ATXN1: variants seen among roughly 807,000 people sequenced by gnomAD.
ATXN1 encodes the protein ataxin 1, also known as ataxin-1.
Under a neutral mutation model 56.4 loss-of-function variants are expected in ATXN1, and 8 were observed. That is an observed-to-expected ratio of 0.14 (90% CI 0.08 to 0.26). The LOEUF is 0.26. ATXN1 is among the 10% of genes least tolerant of loss of function. The pLI is 1.00. For missense variants in ATXN1, 987 were observed against 1,106.5 expected (o/e 0.89, Z 1.53); for synonymous variants, 514 against 494.6 (o/e 1.04, Z -0.52).
chr6:16,596,875 T>C (rs187405257), intron 3 of ATXN1, among the ~76,000 whole-genome samples: 46 of 152,286 alleles, frequency 3.0e-4, no homozygotes, highest in African/African-American at 9.6e-4. Flanking sequence ...CTATAAGATC[T>C]TGCACAGGAG....
chr6:16,675,069 CTT>C (rs950181662), intron 2 of ATXN1, among the ~76,000 whole-genome samples: 10 of 152,198 alleles, frequency 6.6e-5, no homozygotes, highest in African/African-American at 2.4e-4. Flanking sequence ...GCACACAACT[CTT>C]TTGGTAGAAA....
chr6:16,516,739 T>C (rs572590956), intron 5 of ATXN1, among the ~76,000 whole-genome samples: 1 of 152,378 alleles, frequency 6.6e-6, no homozygotes, highest in East Asian at 1.9e-4. Context: ...TAATGAATCA[T>C]GTCTAACAAT....
chr6:16,747,496 T>C (rs927187929), intron 2 of ATXN1, among the ~76,000 whole-genome samples: 3 of 152,170 alleles, frequency 2.0e-5, no homozygotes, highest in African/African-American at 7.2e-5. Flanking sequence ...CGGTTAGTCA[T>C]ATGTCAGAGT....
chr6:16,310,602 A>G (rs902521346), intron 7 of ATXN1, among the ~76,000 whole-genome samples: 2 of 151,882 alleles, frequency 1.3e-5, no homozygotes, highest in African/African-American at 4.8e-5. Flanking sequence ...CCTGCCTCAG[A>G]CTCCCAAGTA....
At chr6:16,598,626 CTCTT>C (rs1762860030) in intron 3 of ATXN1, among the ~76,000 whole-genome samples, 1 of 152,212 alleles carries the variant, frequency 6.6e-6, no homozygotes, top group South Asian at 2.1e-4. Context: ...GTTTTCCCCT[CTCTT>C]TCTACACAGC....
chr6:16,473,836 CCT>C (rs1214729812), intron 6 of ATXN1, among the ~76,000 whole-genome samples: 4 of 152,180 alleles, frequency 2.6e-5, no homozygotes, highest in Non-Finnish European at 4.4e-5. Flanking sequence ...CTTTGAGCCA[CCT>C]CTCAGTCAAG....
Position 16,305,287 on chromosome 6 carries a change from A to G in ATXN1, c.*1042T>C, listed in dbSNP as rs1760214586. On this transcript the variant is annotated 3_prime_UTR_variant, in exon 8 of 8. Transcript: ENST00000436367. ...ACACTGGAATCTGAAAAAAAAAAAA[A>G]GTGGCACCCGAGTTGTCCATAGTCA... The G allele has an allele frequency of 1.3e-5, 2 of 152,466 alleles. No individual in the cohort carries two copies. The highest frequency in any genetic ancestry group is 2.1e-4 in the South Asian group (1 of 4,824). The allele number at this position is 152,466 out of a possible 1,614,324, so 9.4% of individuals were successfully genotyped here. A position where few individuals can be genotyped will look rare whatever the true frequency, so the allele number is the denominator to read the frequency against.
At chr6:16,691,489 G>A (rs958696521) in intron 2 of ATXN1, among the ~76,000 whole-genome samples, 1 of 152,182 alleles carries the variant, frequency 6.6e-6, no homozygotes. Flanking sequence ...TTTATAAAAA[G>A]CTGAGGTATG....
chr6:16,640,670 G>A (rs926346862), intron 3 of ATXN1, among the ~76,000 whole-genome samples: 6 of 150,684 alleles, frequency 4.0e-5, no homozygotes, highest in Non-Finnish European at 8.8e-5. Context: ...GTGACAGAGC[G>A]AGACTCTGTC....
chr6:16,558,300 CAAAAAA>C (rs34684208), intron 4 of ATXN1, among the ~76,000 whole-genome samples: 3 of 95,406 alleles, frequency 3.1e-5, no homozygotes, highest in Admixed American at 1.2e-4. Flanking sequence ...GATCCTGTGT[CAAAAAA>C]AAAAAAAAAA....
chr6:16,373,726 G>A lies in ATXN1; in HGVS notation c.-160-45256C>T, dbSNP rs190671319. 1.7e-4 allele frequency among the ~76,000 whole-genome samples: 26 copies of A among 152,252 alleles called. 1 individual carries two copies. Among genetic ancestry groups the A allele is most frequent in the Non-Finnish European group, 2.1e-4 (14 of 68,022 alleles). ...TGCCTCTCATTTTCTCTTGCCTGCT[G>A]CCATGTAAGACATGCCTTTTGCCTT... is the stretch of plus-strand genomic sequence containing the variant. On this transcript the variant is annotated intron_variant, in intron 6 of 7. Coordinates refer to ENST00000436367, the MANE Select transcript of ATXN1 (RefSeq NM_001128164.2).
chr6:16,557,955 T>C (rs1581843087), intron 4 of ATXN1, among the ~76,000 whole-genome samples: 1 of 152,180 alleles, frequency 6.6e-6, no homozygotes, highest in Non-Finnish European at 1.5e-5. Flanking sequence ...ATATGAGATG[T>C]CTAGGACAGG....
chr6:16,645,624 T>A (rs1225994895), intron 3 of ATXN1, among the ~76,000 whole-genome samples: 1 of 152,160 alleles, frequency 6.6e-6, no homozygotes, highest in Non-Finnish European at 1.5e-5. Flanking sequence ...CAGCATTACT[T>A]TCTTCAGTCC....
intron 3 of ATXN1, among the ~76,000 whole-genome samples, chr6:16,605,644 A>G (rs757868352): frequency 2.0e-5 from 3 of 152,226 alleles, no homozygotes; most frequent in Non-Finnish European, 2.9e-5. Flanking sequence ...TTTGGATCAT[A>G]TGATACTTAG....
chr6:16,366,282 C>T (rs1761916987), intron 6 of ATXN1, among the ~76,000 whole-genome samples: 1 of 152,144 alleles, frequency 6.6e-6, no homozygotes, highest in Middle Eastern at 3.2e-3. Flanking sequence ...GCTGGCAGTT[C>T]CCTAGGAAAT....
At chr6:16,659,337 G>T (rs1758269655) in intron 2 of ATXN1, among the ~76,000 whole-genome samples, 1 of 152,220 alleles carries the variant, frequency 6.6e-6, no homozygotes, top group South Asian at 2.1e-4. Context: ...AAGCCAGGAA[G>T]TTCAAAGCAT....
intron 6 of ATXN1, among the ~76,000 whole-genome samples, chr6:16,413,401 G>T (rs1758841535): frequency 6.6e-6 from 1 of 152,000 alleles, no homozygotes; most frequent in South Asian, 2.1e-4. Context: ...TGCGGCTCGG[G>T]ACCCATTCTT....
chr6:16,637,100 T>C (rs553581722), intron 3 of ATXN1, among the ~76,000 whole-genome samples: 1 of 152,290 alleles, frequency 6.6e-6, no homozygotes, highest in Non-Finnish European at 1.5e-5. Context: ...CCAACCCAAA[T>C]GTCCATCAAT....
chr6:16,540,335 C>T (rs1370565669), intron 4 of ATXN1, among the ~76,000 whole-genome samples: 1 of 152,150 alleles, frequency 6.6e-6, no homozygotes, highest in Non-Finnish European at 1.5e-5. Flanking sequence ...CCTCAGCCTC[C>T]CAAGTAGCTG....
Sources: allele counts gnomAD v4.1 joint callset (sites outside exome capture counted in the v4.1 genomes callset), GRCh38; gene constraint gnomAD v4.1.1; transcripts MANE v1.5; gene names NCBI Gene and HGNC (gene_info 2026-07-23, HGNC 2026-07-21).